The following BMP2 variants were observed in gnomAD, a reference collection of about 807,000 sequenced individuals.
The protein encoded by BMP2 is bone morphogenetic protein 2A.
Under a neutral mutation model 28.8 loss-of-function variants are expected in BMP2, and 2 were observed. That is an observed-to-expected ratio of 0.07 (90% CI 0.03 to 0.22). BMP2 has a LOEUF of 0.22. Among genes scored for constraint, BMP2 ranks in the 10% least tolerant of loss-of-function variants. The pLI, the probability that BMP2 is intolerant of heterozygous loss-of-function variation, is 1.00. For missense variants in BMP2, 437 were observed against 517.7 expected, an observed-to-expected ratio of 0.84 and a Z score of 1.51; for synonymous variants, 218 against 204.3, an observed-to-expected ratio of 1.07 and a Z score of -0.57.
rs1193044246 is a variant in BMP2 at position 6,773,298 on chromosome 20, T to A, written c.346+2826T>A. Reference sequence around the variant, plus strand: ...AATTCCCCCGTGCAAACAACAGATTTGGACACATAGATCCACCAAAACCAA... The same window carrying A: ...AATTCCCCCGTGCAAACAACAGATTAGGACACATAGATCCACCAAAACCAA... On this transcript the variant is annotated intron_variant, in intron 2 of 2. Transcript: ENST00000378827. Among the ~76,000 whole-genome samples the A allele has an allele frequency of 2.0e-5, 3 of 152,352 alleles. No individual in the cohort carries two copies. In the East Asian group the frequency reaches 5.8e-4, roughly 29 times the overall value.
chr20:6,768,544 G>A lies in BMP2; in HGVS notation c.-339G>A, dbSNP rs1986311720. ...TCCTCCCCCTGCTCGCTGTTGTTGT[G>A]TGTCAGCACTTGGCTGGGGACTTCT... is the stretch of plus-strand genomic sequence containing the variant. On this transcript the variant is annotated 5_prime_UTR_variant, in exon 1 of 3. The change creates a new upstream start codon in the 5' untranslated region. Coordinates refer to ENST00000378827, the MANE Select transcript of BMP2 (RefSeq NM_001200.4). 1 of 392,372 alleles carries A rather than the reference G, an allele frequency of 2.5e-6. No individual in the cohort carries two copies. The highest frequency in any genetic ancestry group is 4.5e-6 in the Non-Finnish European group (1 of 222,392). The allele number at this position is 392,372 out of a possible 1,614,324, so 24.3% of individuals were successfully genotyped here.
chr20:6,776,967 G>T (rs1332487326), intron 2 of BMP2, among the ~76,000 whole-genome samples: 1 of 152,156 alleles, frequency 6.6e-6, no homozygotes, highest in African/African-American at 2.4e-5. Flanking sequence ...AATAGATTTT[G>T]TTAGCACTTG....
Position 6,768,440 on chromosome 20 carries a change from C to G in BMP2, c.-443C>G. 2 of 392,852 alleles carry G rather than the reference C, an allele frequency of 5.1e-6. No homozygotes were observed. The highest frequency in any genetic ancestry group is 9.0e-6 in the Non-Finnish European group (2 of 222,788). The allele number at this position is 392,852 out of a possible 1,614,324, so 24.3% of individuals were successfully genotyped here. A position where few individuals can be genotyped will look rare whatever the true frequency, so the allele number is the denominator to read the frequency against. On this transcript the variant is annotated 5_prime_UTR_variant, in exon 1 of 3. Transcript: ENST00000378827. ...CCGGAGCCGGCCCCGCGCGGGGCCA[C>G]GCGTCCCTCGGGCGCTGGTTCCTAA...
intron 2 of BMP2, among the ~76,000 whole-genome samples, chr20:6,776,034 G>A (rs1413979459): frequency 1.3e-5 from 2 of 152,036 alleles, no homozygotes; most frequent in Non-Finnish European, 2.9e-5. Flanking sequence ...GTGTCATTGG[G>A]GTCTGAGGTT....
At position 6,768,418 on chromosome 20, in the gene BMP2, G is replaced by A. The variant is rs916298436; in HGVS notation, c.-465G>A. The A allele has an allele frequency of 7.4e-5, 29 of 393,244 alleles. No individual in the cohort carries two copies. Among genetic ancestry groups the A allele is most frequent in the African/African-American group, 6.0e-4 (29 of 48,248 alleles). The allele number at this position is 393,244 out of a possible 1,614,324, so 24.4% of individuals were successfully genotyped here. A position where few individuals can be genotyped will look rare whatever the true frequency, so the allele number is the denominator to read the frequency against. On this transcript the variant is annotated 5_prime_UTR_variant, in exon 1 of 3. Transcript: ENST00000378827. ...CCCGACCCTCGACCCCCGAGTCCCG[G>A]AGCCGGCCCCGCGCGGGGCCACGCG...
Position 6,770,333 on chromosome 20 carries a change from C to T in BMP2, c.207C>T (p.Pro69=), listed in dbSNP as rs750747484. Residue 69 remains proline (P), a synonymous_variant, in exon 2 of 3, where the codon CCC becomes CCT. Transcript: ENST00000378827. ...TCGGCCTGAAACAGAGACCCACCCC[C>T]AGCAGGGACGCCGTGGTGCCCCCCT... The part of the protein sequence containing the change: ...SMFGLKQRPT[P]SRDAVVPPYM... The T allele has an allele frequency of 1.2e-6, 2 of 1,613,532 alleles. No homozygotes were observed. The highest frequency in any genetic ancestry group is 1.1e-5 in the South Asian group (1 of 91,082).
intron 1 of BMP2, among the ~76,000 whole-genome samples, chr20:6,769,476 T>C (rs1986340327): frequency 6.6e-6 from 1 of 152,088 alleles, no homozygotes; most frequent in African/African-American, 2.4e-5. Flanking sequence ...AAGATACATG[T>C]GTATCTTGAC....
Position 6,770,342 on chromosome 20 carries a change from C to T in BMP2, c.216C>T (p.Asp72=). The T allele has an allele frequency of 6.2e-7, 1 of 1,613,508 alleles. No homozygotes were observed. The highest frequency in any genetic ancestry group is 1.3e-5 in the African/African-American group (1 of 75,060). The part of the protein sequence containing the change: ...GLKQRPTPSR[D]AVVPPYMLDL... ...AACAGAGACCCACCCCCAGCAGGGA[C>T]GCCGTGGTGCCCCCCTACATGCTAG... Residue 72 remains aspartate (D), a synonymous_variant, in exon 2 of 3, where the codon GAC becomes GAT. Transcript: ENST00000378827.
Position 6,770,188 on chromosome 20 carries a change from C to A in BMP2, c.62C>A (p.Ala21Glu). The A allele has an allele frequency of 6.3e-7, 1 of 1,583,920 alleles. No individual in the cohort carries two copies. Among genetic ancestry groups the A allele is most frequent in the Non-Finnish European group, 8.6e-7 (1 of 1,165,900 alleles). The change falls in exon 2 of 3, where the codon GCG (alanine) becomes GAG (glutamate). Residue 21 changes from alanine (A) to glutamate (E), a missense_variant. Coordinates refer to ENST00000378827, the MANE Select transcript of BMP2 (RefSeq NM_001200.4). ...LLLPQVLLGGAAGLVPELGRR... is the reference protein window; with the variant it reads ...LLLPQVLLGGEAGLVPELGRR... ...CTTCCCCAGGTCCTCCTGGGCGGCG[C>A]GGCTGGCCTCGTTCCGGAGCTGGGC...
chr20:6,767,959 C>T lies in BMP2; in HGVS notation c.-924C>T. The T allele has an allele frequency of 2.5e-6, 1 of 396,282 alleles. No homozygotes were observed. The highest frequency in any genetic ancestry group is 4.5e-6 in the Non-Finnish European group (1 of 224,640). The allele number at this position is 396,282 out of a possible 1,614,324, so 24.5% of individuals were successfully genotyped here. A position where few individuals can be genotyped will look rare whatever the true frequency, so the allele number is the denominator to read the frequency against. On this transcript the variant is annotated 5_prime_UTR_variant, in exon 1 of 3. Transcript: ENST00000378827. ...AGCGCCGTGGCCTCTGCTGCCCGGG[C>T]TGCGCCAGAGCCGCGGACGGGCGCG...
chr20:6,770,182 G>A lies in BMP2; in HGVS notation c.56G>A (p.Gly19Asp). ...LALLLPQVLLGGAAGLVPELG... is the reference protein window; with the variant it reads ...LALLLPQVLLDGAAGLVPELG... ...TTGCTGCTTCCCCAGGTCCTCCTGG[G>A]CGGCGCGGCTGGCCTCGTTCCGGAG... The change falls in exon 2 of 3, where the codon GGC (glycine) becomes GAC (aspartate). Residue 19 changes from glycine to aspartate, a missense_variant. Coordinates refer to ENST00000378827, the MANE Select transcript of BMP2 (RefSeq NM_001200.4). 1.3e-6 allele frequency: 2 copies of A among 1,585,054 alleles called. No homozygotes were observed. Among genetic ancestry groups the A allele is most frequent in the Non-Finnish European group, 1.7e-6 (2 of 1,165,932 alleles).
chr20:6,778,206 C>A lies in BMP2; in HGVS notation c.347-39C>A. Reference sequence around the variant, plus strand: ...ATTACTTGGCTTACTGAAATTCAGACTTTTCTTTTTTCTTCCCTGTTTTTC... The same window carrying A: ...ATTACTTGGCTTACTGAAATTCAGAATTTTCTTTTTTCTTCCCTGTTTTTC... On this transcript the variant is annotated intron_variant, in intron 2 of 2. Transcript: ENST00000378827. This position sits in a 1 kb window ranked among gnomAD's most constrained non-coding sequence, Gnocchi z 5.0. The A allele has an allele frequency of 6.5e-7, 1 of 1,539,376 alleles. No individual in the cohort carries two copies. Among genetic ancestry groups the A allele is most frequent in the South Asian group, 1.3e-5 (1 of 76,700 alleles).
intron 2 of BMP2, 144 bp downstream of exon 2, chr20:6,770,616 A>T: frequency 1.2e-6 from 1 of 830,390 alleles, no homozygotes; most frequent in Non-Finnish European, 1.8e-6. Context: ...ATCGTTTCTG[A>T]ATCTGATTTT....
intron 2 of BMP2, among the ~76,000 whole-genome samples, chr20:6,775,815 G>C (rs1354811482): frequency 6.6e-6 from 1 of 152,154 alleles, no homozygotes; most frequent in Non-Finnish European, 1.5e-5. Context: ...GTGCGAGAGA[G>C]AGAATGTGTG....
At chr20:6,773,179 C>T (rs976050339) in intron 2 of BMP2, among the ~76,000 whole-genome samples, 4 of 152,122 alleles carry the variant, frequency 2.6e-5, no homozygotes, top group African/African-American at 7.2e-5. Flanking sequence ...AGAGATTAAC[C>T]CTCTTTCCAC....
Position 6,778,292 on chromosome 20 carries a change from T to G in BMP2, c.394T>G (p.Phe132Val). Residue 132 changes from phenylalanine (F) to valine (V), a missense_variant, in exon 3 of 3, where the codon TTC (phenylalanine) becomes GTC (valine). This residue lies in a region of BMP2 where 363 missense variants were observed against 392.8 expected (regional missense o/e 0.92). Transcript: ENST00000378827. The surrounding 1 kb of genome is among the most constrained non-coding windows in gnomAD (Gnocchi z 5.0). ...PETSGKTTRR[F>V]FFNLSSIPTE... ...AACGAGTGGGAAAACAACCCGGAGA[T>G]TCTTCTTTAATTTAAGTTCTATCCC... 6.2e-7 allele frequency: 1 copy of G among 1,609,412 alleles called. No homozygotes were observed. The highest frequency in any genetic ancestry group is 8.5e-7 in the Non-Finnish European group (1 of 1,178,394).
chr20:6,776,844 C>T (rs1327582761), intron 2 of BMP2, among the ~76,000 whole-genome samples: 1 of 152,154 alleles, frequency 6.6e-6, no homozygotes, highest in Non-Finnish European at 1.5e-5. Flanking sequence ...TTCTCCTTTG[C>T]TAAGGCATCT....
chr20:6,780,214 C>G lies in BMP2; in HGVS notation c.*1125C>G, dbSNP rs1250114943. ...GAACACATTTCTCCAAATGTTAAAC[C>G]TATTTCAGATAATAAATATCAAATC... On this transcript the variant is annotated 3_prime_UTR_variant, in exon 3 of 3. Transcript: ENST00000378827. 2 of 152,524 alleles carry G rather than the reference C, an allele frequency of 1.3e-5. No individual in the cohort carries two copies. The highest frequency in any genetic ancestry group is 2.9e-5 in the Non-Finnish European group (2 of 68,026). The allele number at this position is 152,524 out of a possible 1,614,324, so 9.4% of individuals were successfully genotyped here.
In BMP2 at chr20:6,767,809, C is replaced by T. The variant is rs1986279624; in HGVS notation, c.-1074C>T. The stretch of plus-strand genomic sequence containing the variant: ...CTGGCAGCCGCCGCCGCACATCTGC[C>T]GCCACAGCCTCCGCCGGCTACCCGA... On this transcript the variant is annotated 5_prime_UTR_variant, in exon 1 of 3. Coordinates refer to ENST00000378827, the MANE Select transcript of BMP2 (RefSeq NM_001200.4). 1 of 320,156 alleles carries T rather than the reference C, an allele frequency of 3.1e-6. No homozygotes were observed. The highest frequency in any genetic ancestry group is 2.2e-5 in the African/African-American group (1 of 45,768). 19.8% of individuals were successfully genotyped at this position (320,156 alleles called of 1,614,324 possible).
Sources: gnomAD v4.1 joint callset for allele counts (sites outside exome capture counted in the v4.1 genomes callset) on GRCh38, gnomAD v4.1.1 for gene constraint, gnomAD v4.1.1 regional missense constraint, Gnocchi (gnomAD v3.1) non-coding constraint, MANE v1.5 for transcripts, NCBI Gene and HGNC (gene_info 2026-07-23, HGNC 2026-07-21) for gene names.